Variants in ALDH1L1 observed in about 807,000 individuals in gnomAD.
ALDH1L1 encodes aldehyde dehydrogenase 1 family member L1, also known as cytosolic 10-formyltetrahydrofolate dehydrogenase.
In ALDH1L1, 68 loss-of-function variants were observed where a neutral mutation model predicts 101.1. That is an observed-to-expected ratio of 0.67 (90% CI 0.55 to 0.82). ALDH1L1 has a LOEUF of 0.82. Among genes scored for constraint, ALDH1L1 ranks in the 40% least tolerant of loss-of-function variants. The pLI is 0.00. For missense variants in ALDH1L1, 1,087 were observed against 1,172.7 expected, an observed-to-expected ratio of 0.93 and a Z score of 1.07; for synonymous variants, 486 against 470.8, an observed-to-expected ratio of 1.03 and a Z score of -0.42.
At chr3:126,190,923 C>T (rs2081549671) in intron 1 of ALDH1L1, among the ~76,000 whole-genome samples, 1 of 152,206 alleles carries the variant, frequency 6.6e-6, no homozygotes, top group Non-Finnish European at 1.5e-5. Flanking sequence ...AAGCAAAAAG[C>T]TCTGCAGGTT....
chr3:126,126,197 T>C (rs1253888114), intron 14 of ALDH1L1, among the ~76,000 whole-genome samples: 1 of 152,158 alleles, frequency 6.6e-6, no homozygotes, highest in East Asian at 1.9e-4. Flanking sequence ...GGGTGCTCTG[T>C]GTGAAGCCAT....
chr3:126,183,849 CAG>C (rs1576509403), upstream of ALDH1L1, among the ~76,000 whole-genome samples: 1 of 152,170 alleles, frequency 6.6e-6, no homozygotes, highest in East Asian at 1.9e-4. Context: ...GATTTAGATG[CAG>C]AGATTCTGGA....
chr3:126,181,049 C>A, upstream of ALDH1L1: 1 of 1,557,064 alleles, frequency 6.4e-7, no homozygotes, highest in Non-Finnish European at 8.7e-7. Flanking sequence ...CCCTTAGCAG[C>A]TGCGCATCCG....
upstream of ALDH1L1, among the ~76,000 whole-genome samples, chr3:126,184,729 T>C (rs1415719389): frequency 2.0e-5 from 3 of 152,210 alleles, no homozygotes; most frequent in African/African-American, 7.2e-5. Context: ...ACATGGGTTC[T>C]CTTTCTGTTG....
At chr3:126,105,535 C>T in intron 22 of ALDH1L1, 191 bp downstream of exon 22, 7 of 680,828 alleles carry the variant, frequency 1.0e-5, no homozygotes, top group East Asian at 5.6e-5. Context: ...CTTCCCAGCA[C>T]GACCCCCCTC....
intron 22 of ALDH1L1, chr3:126,105,443 G>A: frequency 2.2e-6 from 1 of 456,868 alleles, no homozygotes; most frequent in South Asian, 2.0e-5. Context: ...TGCAGGTCTG[G>A]GTAGCACAGG....
At chr3:126,114,812 C>T (rs1374661253) in intron 17 of ALDH1L1, 156 bp from the exon 18 acceptor site, 2 of 684,338 alleles carry the variant, frequency 2.9e-6, no homozygotes, top group Non-Finnish European at 5.3e-6. Flanking sequence ...CCCCTTGCGG[C>T]TTCACACGGC....
intron 19 of ALDH1L1, among the ~76,000 whole-genome samples, chr3:126,111,093 G>C (rs907824354): frequency 3.5e-4 from 53 of 152,322 alleles, no homozygotes; most frequent in African/African-American, 1.3e-3. Flanking sequence ...TCTGTATCCT[G>C]GTCCTGCTAT....
At chr3:126,124,513 TCCCTCCCCGCCTTC>T (rs2080142081) in intron 15 of ALDH1L1, 62 bp from the exon 16 acceptor site, 10 of 1,360,550 alleles carry the variant, frequency 7.3e-6, no homozygotes, top group Middle Eastern at 1.8e-4. Flanking sequence ...GGCTCTGCCT[TCCCTCCCCGCCTTC>T]CTCTCCCAGC....
At chr3:126,130,707 G>A (rs948648257) in intron 13 of ALDH1L1, among the ~76,000 whole-genome samples, 1 of 152,208 alleles carries the variant, frequency 6.6e-6, no homozygotes, top group Non-Finnish European at 1.5e-5. Flanking sequence ...CTCCCTTGTC[G>A]CTGTCATGCC....
chr3:126,188,146 A>T (rs2081531705), intron 1 of ALDH1L1, among the ~76,000 whole-genome samples: 1 of 152,208 alleles, frequency 6.6e-6, no homozygotes, highest in Non-Finnish European at 1.5e-5. Flanking sequence ...GATATTTGTG[A>T]CATGAGTATA....
At chr3:126,128,359 C>T (rs758037581) in intron 14 of ALDH1L1, 7 of 152,324 alleles carry the variant, frequency 4.6e-5, no homozygotes, top group African/African-American at 1.4e-4. Flanking sequence ...GTGCCCTAGA[C>T]ACCTGATGCT....
At chr3:126,166,476 A>T (rs2081170337) in intron 1 of ALDH1L1, among the ~76,000 whole-genome samples, 1 of 152,184 alleles carries the variant, frequency 6.6e-6, no homozygotes, top group East Asian at 1.9e-4. Context: ...TATATTCAAA[A>T]GTCCTTTATG....
chr3:126,115,297 T>C (rs1251196629), intron 17 of ALDH1L1: 8 of 336,886 alleles, frequency 2.4e-5, no homozygotes, highest in Non-Finnish European at 4.2e-5. Context: ...TGTCCTCAGC[T>C]GGACACTCAG....
chr3:126,185,133 A>G (rs2081506597), upstream of ALDH1L1, among the ~76,000 whole-genome samples: 1 of 152,234 alleles, frequency 6.6e-6, no homozygotes, highest in Non-Finnish European at 1.5e-5. Flanking sequence ...GCCACACACC[A>G]GAGCCCACCT....
At chr3:126,115,738 CT>C (rs2079953005) in intron 17 of ALDH1L1, among the ~76,000 whole-genome samples, 2 of 151,746 alleles carry the variant, frequency 1.3e-5, no homozygotes, top group South Asian at 4.2e-4. Context: ...CCACGCCCGG[CT>C]AATTTTTGTA....
chr3:126,191,175 T>G (rs147516601), intron 1 of ALDH1L1, among the ~76,000 whole-genome samples: 4 of 152,314 alleles, frequency 2.6e-5, no homozygotes, highest in Non-Finnish European at 5.9e-5. Flanking sequence ...AGATGGAGAT[T>G]GGGAGGCAAA....
upstream of ALDH1L1, among the ~76,000 whole-genome samples, chr3:126,184,249 C>A (rs1205600959): frequency 6.6e-6 from 1 of 152,192 alleles, no homozygotes; most frequent in African/African-American, 2.4e-5. Flanking sequence ...TTCACTGTGC[C>A]GGGAATGCCC....
intron 1 of ALDH1L1, among the ~76,000 whole-genome samples, chr3:126,177,555 G>A (rs569228911): frequency 6.6e-6 from 1 of 152,142 alleles, no homozygotes; most frequent in Non-Finnish European, 1.5e-5. Context: ...ATAGGTAGGG[G>A]GGTTGGGGGG....
Sources: allele counts gnomAD v4.1 joint callset (sites outside exome capture counted in the v4.1 genomes callset), GRCh38; gene constraint gnomAD v4.1.1; transcripts MANE v1.5; gene names NCBI Gene and HGNC (gene_info 2026-07-23, HGNC 2026-07-21).